The following NCAM1 variants were observed in gnomAD, a reference collection of about 807,000 sequenced individuals.
NCAM1 encodes neural cell adhesion molecule 1, also known as antigen recognized by monoclonal antibody 5.1H11.
A neutral mutation model predicts 109.8 loss-of-function variants in NCAM1; 14 were observed. The ratio of observed to expected loss-of-function variants is 0.13; its 90% CI spans 0.08 to 0.20. The LOEUF (loss-of-function observed/expected upper bound fraction) is 0.20. Among genes scored for constraint, NCAM1 ranks in the 10% least tolerant of loss-of-function variants. NCAM1 has a pLI of 1.00. For synonymous variants in NCAM1, 418 were observed against 442.9 expected (o/e 0.94, Z 0.70); for missense variants, 774 against 1,109.9 (o/e 0.70, Z 4.30).
chr11:112,974,200 A>G (rs553681850), intron 1 of NCAM1, among the ~76,000 whole-genome samples: 2 of 152,224 alleles, frequency 1.3e-5, no homozygotes, highest in African/African-American at 2.4e-5. Context: ...AAGAGCTAGC[A>G]TAGCATCTTT....
intron 1 of NCAM1, among the ~76,000 whole-genome samples, chr11:113,104,205 G>T (rs1455623986): frequency 8.9e-6 from 1 of 112,540 alleles, no homozygotes; most frequent in African/African-American, 3.2e-5. Flanking sequence ...GAGGAGGTGG[G>T]GTGGGGGGGG....
At chr11:113,262,926 G>A (rs1946049943) in intron 17 of NCAM1, 2 of 1,613,300 alleles carry the variant, frequency 1.2e-6, no homozygotes, top group African/African-American at 1.3e-5. Context: ...GCTCTGTTAG[G>A]AACTTGAACA....
At chr11:113,243,209 T>G (rs1051513945) in intron 14 of NCAM1, among the ~76,000 whole-genome samples, 2 of 152,200 alleles carry the variant, frequency 1.3e-5, no homozygotes, top group African/African-American at 4.8e-5. Context: ...ATACACACGC[T>G]CATGCGCGTG....
intron 1 of NCAM1, among the ~76,000 whole-genome samples, chr11:113,097,163 G>C (rs1939640351): frequency 6.6e-6 from 1 of 152,162 alleles, no homozygotes; most frequent in South Asian, 2.1e-4. Flanking sequence ...ATTCCATCTT[G>C]GCTCACTCTG....
intron 1 of NCAM1, among the ~76,000 whole-genome samples, chr11:113,105,473 G>A (rs979723613): frequency 1.3e-5 from 2 of 152,154 alleles, no homozygotes; most frequent in African/African-American, 2.4e-5. Flanking sequence ...AAATTTCATA[G>A]CAGCGTTACT....
chr11:113,100,481 G>A (rs1427327206), intron 1 of NCAM1, among the ~76,000 whole-genome samples: 2 of 152,090 alleles, frequency 1.3e-5, no homozygotes, highest in African/African-American at 4.8e-5. Context: ...GAAGAAGCAG[G>A]TCACGTGCAC....
chr11:113,230,102 A>G (rs1944961261), intron 9 of NCAM1, among the ~76,000 whole-genome samples: 1 of 152,086 alleles, frequency 6.6e-6, no homozygotes, highest in Non-Finnish European at 1.5e-5. Context: ...AAAGAAAAAG[A>G]AAAGAAAATA....
intron 1 of NCAM1, among the ~76,000 whole-genome samples, chr11:113,045,005 C>T (rs962551850): frequency 2.0e-5 from 3 of 152,168 alleles, no homozygotes; most frequent in Non-Finnish European, 4.4e-5. Flanking sequence ...CCGCCCGCCT[C>T]GGCCTCCCAA....
intron 1 of NCAM1, among the ~76,000 whole-genome samples, chr11:113,178,601 AAC>A (rs1176005572): frequency 6.6e-6 from 1 of 152,194 alleles, no homozygotes; most frequent in African/African-American, 2.4e-5. Context: ...GTTTCTGACA[AAC>A]AGCCTGGTTT....
chr11:113,061,761 C>A (rs1937656240), intron 1 of NCAM1, among the ~76,000 whole-genome samples: 1 of 152,144 alleles, frequency 6.6e-6, no homozygotes, highest in Non-Finnish European at 1.5e-5. Context: ...TTGAATTGGC[C>A]CATGACAATT....
rs1555117618 is a variant in NCAM1 at position 113,233,133 on chromosome 11, T to C, written c.1523-14T>C. On this transcript the variant is annotated splice_polypyrimidine_tract_variant and intron_variant, in intron 12 of 19. Coordinates refer to ENST00000316851, the MANE Select transcript of NCAM1 (RefSeq NM_181351.5). This position sits in a 1 kb window ranked among gnomAD's most constrained non-coding sequence, Gnocchi z 4.5. ...CTGGGCTCACCTGAGTCTCCATATGTGTCTTCCCCACAGACACCCCCTCTT... is the reference window on the plus strand; with the variant it reads ...CTGGGCTCACCTGAGTCTCCATATGCGTCTTCCCCACAGACACCCCCTCTT... 4 of 1,609,820 alleles carry C rather than the reference T, an allele frequency of 2.5e-6. No homozygotes were observed. The highest frequency in any genetic ancestry group is 3.4e-6 in the Non-Finnish European group (4 of 1,178,676).
At position 113,273,504 on chromosome 11, in the gene NCAM1, G is replaced by A. The variant is rs576553273; in HGVS notation, c.2456+1628G>A. On this transcript the variant is annotated intron_variant, in intron 19 of 19. Transcript: ENST00000316851. This position sits in a 1 kb window ranked among gnomAD's most constrained non-coding sequence, Gnocchi z 6.0. The stretch of plus-strand genomic sequence containing the variant: ...GCCCGGAGCCGCGAAGAGCCCGGCC[G>A]AGGCAGCCACAGCCCTTGCTAGCCC... 1.5e-5 allele frequency: 5 copies of A among 333,028 alleles called. No homozygotes were observed. Among genetic ancestry groups the A allele is most frequent in the East Asian group, 1.7e-4 (2 of 11,440 alleles). 20.6% of individuals were successfully genotyped at this position (333,028 alleles called of 1,614,324 possible).
intron 1 of NCAM1, among the ~76,000 whole-genome samples, chr11:113,000,667 T>C (rs1951722040): frequency 6.6e-6 from 1 of 151,908 alleles, no homozygotes; most frequent in Non-Finnish European, 1.5e-5. Context: ...GTTATATTGA[T>C]GGATCTTTGG....
rs1218114894 is a variant in NCAM1 at position 113,253,664 on chromosome 11, G to A, written c.1829-2213G>A. Among the ~76,000 whole-genome samples, 3 of 152,274 alleles carry A rather than the reference G, an allele frequency of 2.0e-5. No homozygotes were observed. The East Asian group carries it at 5.8e-4, about 29-fold the overall frequency. ...GGAACGTGCAGCCAGGGAGGCCCCA[G>A]TGGACTGATCCCTAAAAGGGGGCCT... On this transcript the variant is annotated intron_variant, in intron 15 of 19. Transcript: ENST00000316851.
intron 14 of NCAM1, among the ~76,000 whole-genome samples, chr11:113,244,254 A>G (rs1219481469): frequency 6.6e-6 from 1 of 152,162 alleles, no homozygotes; most frequent in Non-Finnish European, 1.5e-5. Context: ...TGTTAGTGAA[A>G]CACAATCTTG....
At chr11:113,242,105 T>C (rs1429828634) in intron 14 of NCAM1, among the ~76,000 whole-genome samples, 4 of 152,252 alleles carry the variant, frequency 2.6e-5, no homozygotes, top group Admixed American at 1.3e-4. Context: ...GTCTCAGATT[T>C]CTTACCTCTA....
Position 113,233,223 on chromosome 11 carries a change from G to A in NCAM1, c.1599G>A (p.Glu533=), listed in dbSNP as rs1377992973. ...CCCAGGTGCAGTTTGATGAACCAGA[G>A]GCCACAGGTGGGGTGCCCATCCTCA... ...STAQVQFDEP[E]ATGGVPILKY... Residue 533 remains glutamate (E), a synonymous_variant, in exon 13 of 20, where the codon GAG becomes GAA. Coordinates refer to ENST00000316851, the MANE Select transcript of NCAM1 (RefSeq NM_181351.5). This position sits in a 1 kb window ranked among gnomAD's most constrained non-coding sequence, Gnocchi z 4.5. 2 of 1,613,756 alleles carry A rather than the reference G, an allele frequency of 1.2e-6. No individual in the cohort carries two copies. The highest frequency in any genetic ancestry group is 1.3e-5 in the African/African-American group (1 of 74,912).
chr11:113,119,511 C>T (rs557662120), intron 1 of NCAM1, among the ~76,000 whole-genome samples: 1 of 152,178 alleles, frequency 6.6e-6, no homozygotes, highest in South Asian at 2.1e-4. Flanking sequence ...GTAGCAGTGC[C>T]CCTAGACCCT....
At chr11:113,044,494 G>A (rs1290177042) in intron 1 of NCAM1, among the ~76,000 whole-genome samples, 1 of 152,050 alleles carries the variant, frequency 6.6e-6, no homozygotes, top group East Asian at 2.0e-4. Flanking sequence ...AGACCAGCCT[G>A]GCCAACATGG....
Sources: allele counts gnomAD v4.1 joint callset (sites outside exome capture counted in the v4.1 genomes callset), GRCh38; gene constraint gnomAD v4.1.1; non-coding constraint Gnocchi (gnomAD v3.1); transcripts MANE v1.5; gene names NCBI Gene and HGNC (gene_info 2026-07-23, HGNC 2026-07-21).